MGAT3: variants seen among roughly 807,000 people sequenced by gnomAD.
MGAT3 encodes the protein GlcNAc-T III.
Under a neutral mutation model 29.8 loss-of-function variants are expected in MGAT3, and 9 were observed. That is an observed-to-expected ratio of 0.30 (90% CI 0.18 to 0.53). The LOEUF (loss-of-function observed/expected upper bound fraction) is 0.53, where lower values mean the gene tolerates loss of function less well. Among genes scored for constraint, MGAT3 ranks in the 20% least tolerant of loss-of-function variants. The pLI is 0.96. For synonymous variants in MGAT3, 397 were observed against 348.9 expected (o/e 1.14, Z -1.54); for missense variants, 557 against 769.5 (o/e 0.72, Z 3.27).
In MGAT3 at chr22:39,457,932, C is replaced by CCGGCG. The variant is rs544443182; in HGVS notation, c.-2+384_-2+388dup. On this transcript the variant is annotated intron_variant, in intron 1 of 1. Coordinates refer to ENST00000341184, the MANE Select transcript of MGAT3 (RefSeq NM_002409.5). The surrounding 1 kb of genome is among the most constrained non-coding windows in gnomAD (Gnocchi z 6.8). The stretch of plus-strand genomic sequence containing the variant: ...CTCCGGCGCGGCTCCCCCACAACCT[C>CCGGCG]CGGCGCGGCGCGGGGCTGGGGTGGG... Among the ~76,000 whole-genome samples, 399 of 151,836 alleles carry CCGGCG rather than the reference C, an allele frequency of 2.6e-3. 1 individual carries two copies. The highest frequency in any genetic ancestry group is 9.3e-3 in the African/African-American group (387 of 41,484).
Position 39,472,852 on chromosome 22 carries a change from G to C in MGAT3, c.-1-14495G>C, listed in dbSNP as rs533897716. ...AGAGCCTTGAAAGCCAGGCAGAGGG[G>C]ACTAGACACTGTGCCTCAAGGCAGG... On this transcript the variant is annotated intron_variant, in intron 1 of 1. Coordinates refer to ENST00000341184, the MANE Select transcript of MGAT3 (RefSeq NM_002409.5). 7 of 152,484 alleles carry C rather than the reference G, an allele frequency of 4.6e-5. No individual in the cohort carries two copies. In the East Asian group the frequency reaches 1.4e-3, roughly 29 times the overall value. 9.4% of individuals were successfully genotyped at this position (152,484 alleles called of 1,614,324 possible).
Position 39,487,794 on chromosome 22 carries a change from C to T in MGAT3, c.447C>T (p.Pro149=). ...GANGSSARRP[P]RYLLSARERT... ...ACGGCTCCTCGGCCCGGCGGCCACC[C>T]CGGTACCTCCTGAGCGCCCGGGAGC... The change falls in exon 2 of 2, where the codon CCC becomes CCT. Residue 149 remains proline (P), a synonymous_variant. Transcript: ENST00000341184. The surrounding 1 kb of genome is among the most constrained non-coding windows in gnomAD (Gnocchi z 5.7). The T allele has an allele frequency of 6.7e-7, 1 of 1,493,262 alleles. No homozygotes were observed. 92.5% of individuals were successfully genotyped at this position (1,493,262 alleles called of 1,614,324 possible).
intron 1 of MGAT3, among the ~76,000 whole-genome samples, chr22:39,464,644 T>C (rs1357237530): frequency 6.6e-6 from 1 of 152,122 alleles, no homozygotes; most frequent in Non-Finnish European, 1.5e-5. Flanking sequence ...TTTCATCATG[T>C]TGGCCAGGCT....
chr22:39,460,394 G>C (rs1928464186), intron 1 of MGAT3, among the ~76,000 whole-genome samples: 1 of 152,222 alleles, frequency 6.6e-6, no homozygotes, highest in Non-Finnish European at 1.5e-5. Context: ...GTCACTAAAA[G>C]TAGGGATTCC....
chr22:39,487,852 G>A lies in MGAT3; in HGVS notation c.505G>A (p.Val169Met). 1 of 1,542,132 alleles carries A rather than the reference G, an allele frequency of 6.5e-7. No individual in the cohort carries two copies. The highest frequency in any genetic ancestry group is 1.2e-5 in the South Asian group (1 of 81,510). The change falls in exon 2 of 2, where the codon GTG (valine) becomes ATG (methionine). Residue 169 changes from valine (V) to methionine (M), a missense_variant. Val to Met is a conservative substitution (Grantham distance 21, BLOSUM62 1). Around this residue, in one of 3 missense-constraint regions of MGAT3, gnomAD observed 243 missense variants for 444.0 expected, o/e 0.55. Coordinates refer to ENST00000341184, the MANE Select transcript of MGAT3 (RefSeq NM_002409.5). This position sits in a 1 kb window ranked among gnomAD's most constrained non-coding sequence, Gnocchi z 5.7. ...GGGCCGAGGCGCCCGGCGCAAGTGG[G>A]TGGAGTGCGTGTGCCTGCCCGGCTG... The part of the protein sequence containing the change: ...TGGRGARRKW[V>M]ECVCLPGWHG...
At chr22:39,464,387 G>A (rs1027870492) in intron 1 of MGAT3, among the ~76,000 whole-genome samples, 13 of 152,212 alleles carry the variant, frequency 8.5e-5, no homozygotes, top group African/African-American at 3.1e-4. Context: ...CACCGGGCAT[G>A]CACTAGGGCC....
rs1429858956 is a variant in MGAT3, at chr22:39,490,294, A to C, written c.*1345A>C. On this transcript the variant is annotated 3_prime_UTR_variant, in exon 2 of 2. Coordinates refer to ENST00000341184, the MANE Select transcript of MGAT3 (RefSeq NM_002409.5). Reference sequence around the variant, plus strand: ...CCACTTTTTGCTAAAGGCATGAGCCAGAATTGGCAGGCTCACCTCTGCTGG... The same window carrying C: ...CCACTTTTTGCTAAAGGCATGAGCCCGAATTGGCAGGCTCACCTCTGCTGG... The C allele has an allele frequency of 6.0e-6, 1 of 167,164 alleles. No individual in the cohort carries two copies. The highest frequency in any genetic ancestry group is 2.1e-4 in the South Asian group (1 of 4,832). 10.4% of individuals were successfully genotyped at this position (167,164 alleles called of 1,614,324 possible). A position where few individuals can be genotyped will look rare whatever the true frequency, so the allele number is the denominator to read the frequency against.
intron 1 of MGAT3, among the ~76,000 whole-genome samples, chr22:39,484,187 A>G (rs1929206256): frequency 2.6e-5 from 4 of 152,158 alleles, no homozygotes; most frequent in Admixed American, 6.5e-5. Context: ...TTCTAGATCA[A>G]TCGTGTTGTG....
intron 1 of MGAT3, among the ~76,000 whole-genome samples, chr22:39,465,683 G>T (rs897815321): frequency 1.3e-5 from 2 of 152,132 alleles, no homozygotes; most frequent in African/African-American, 4.8e-5. Flanking sequence ...AAAAACTCCA[G>T]CACTTTGGGA....
At chr22:39,477,565 AAC>A (rs1045238153) in intron 1 of MGAT3, 2 of 152,040 alleles carry the variant, frequency 1.3e-5, no homozygotes, top group African/African-American at 4.8e-5. Flanking sequence ...AAAAAAAAAA[AAC>A]CATGCATTTA....
chr22:39,488,842 G>C lies in MGAT3; in HGVS notation c.1495G>C (p.Asp499His), dbSNP rs141441163. 5.3e-3 allele frequency: 8,584 copies of C among 1,608,568 alleles called. 25 individuals carry two copies. The highest frequency in any genetic ancestry group is 6.6e-3 in the Non-Finnish European group (7,808 of 1,177,618). Residue 499 changes from aspartate (D) to histidine (H), a missense_variant, in exon 2 of 2, where the codon GAC (aspartate) becomes CAC (histidine). Asp to His is a moderately conservative substitution (Grantham distance 81). Around this residue, in one of 3 missense-constraint regions of MGAT3, gnomAD observed 102 missense variants for 97.0 expected, o/e 1.05. Coordinates refer to ENST00000341184, the MANE Select transcript of MGAT3 (RefSeq NM_002409.5). ...KNYDRFHYLL[D>H]NPYQEPRSTA... is the part of the protein sequence containing the mutation. ...CTACGACCGGTTCCACTACCTGCTG[G>C]ACAACCCCTACCAGGAGCCCAGGAG...
intron 1 of MGAT3, among the ~76,000 whole-genome samples, chr22:39,481,238 G>A (rs560857313): frequency 5.3e-5 from 8 of 151,998 alleles, no homozygotes; most frequent in South Asian, 4.1e-4. Context: ...CTTCCCTGGC[G>A]CCCTCTCCTG....
At chr22:39,470,697 C>G (rs559856105) in intron 1 of MGAT3, among the ~76,000 whole-genome samples, 1 of 152,062 alleles carries the variant, frequency 6.6e-6, no homozygotes, top group Non-Finnish European at 1.5e-5. Flanking sequence ...GCCCCTCTGC[C>G]GGGCATGTGG....
intron 1 of MGAT3, among the ~76,000 whole-genome samples, chr22:39,474,650 GGGACCCTTTTCCTCTC>G (rs1928899957): frequency 6.6e-6 from 1 of 152,192 alleles, no homozygotes; most frequent in Non-Finnish European, 1.5e-5. Flanking sequence ...CCCTGCAGAG[GGGACCCTTTTCCTCTC>G]CCTGAGAGAT....
intron 1 of MGAT3, among the ~76,000 whole-genome samples, chr22:39,483,673 C>T (rs1929190903): frequency 6.6e-6 from 1 of 152,138 alleles, no homozygotes; most frequent in South Asian, 2.1e-4. Flanking sequence ...TTTGCTCACC[C>T]AGCTGGTCCA....
rs1355896903 is a variant in MGAT3 at position 39,488,445 on chromosome 22, G to A, written c.1098G>A (p.Thr366=). Residue 366 remains threonine (T), a synonymous_variant, in exon 2 of 2, where the codon ACG becomes ACA. Transcript: ENST00000341184. Reference sequence around the variant, plus strand: ...CCCTGGAGGTGGTGTCAGGCTGCACGGTGGACATGCTGCAGGCAGTGTATG... The same window carrying A: ...CCCTGGAGGTGGTGTCAGGCTGCACAGTGGACATGCTGCAGGCAGTGTATG... The part of the protein sequence containing the change: ...PGTLEVVSGC[T]VDMLQAVYGL... The A allele has an allele frequency of 1.9e-6, 3 of 1,612,908 alleles. No homozygotes were observed. Among genetic ancestry groups the A allele is most frequent in the African/African-American group, 1.3e-5 (1 of 75,054 alleles).
Position 39,471,742 on chromosome 22 carries a change from G to C in MGAT3, c.-2+14185G>C, listed in dbSNP as rs118188492. 4.6e-5 allele frequency among the ~76,000 whole-genome samples: 7 copies of C among 152,214 alleles called. No individual in the cohort carries two copies. The East Asian group carries it at 9.7e-4, about 21-fold the overall frequency. On this transcript the variant is annotated intron_variant, in intron 1 of 1. Coordinates refer to ENST00000341184, the MANE Select transcript of MGAT3 (RefSeq NM_002409.5). ...CAGGTGCCACACAATCTGACACACA[G>C]AGACACGAGGCACAGGGGCAGAGGG...
rs1438743763 is a variant in MGAT3 at position 39,487,463 on chromosome 22, C to A, written c.116C>A (p.Ala39Asp). Residue 39 changes from alanine to aspartate, a missense_variant, in exon 2 of 2, where the codon GCC becomes GAC. Physicochemically the swap from Ala to Asp is moderately radical, Grantham distance 126 (BLOSUM62 -2). Around this residue, in one of 3 missense-constraint regions of MGAT3, gnomAD observed 212 missense variants for 228.5 expected, o/e 0.93. Transcript: ENST00000341184. The surrounding 1 kb of genome is among the most constrained non-coding windows in gnomAD (Gnocchi z 5.7). ...TATGTCACCTTCCCCCGAGAACTGGCCTCCCTCAGCCCTAACCTGGTGTCC... is the reference window on the plus strand; with the variant it reads ...TATGTCACCTTCCCCCGAGAACTGGACTCCCTCAGCCCTAACCTGGTGTCC... ...LSYVTFPREL[A>D]SLSPNLVSSF... 1.9e-6 allele frequency: 3 copies of A among 1,613,784 alleles called. No individual in the cohort carries two copies. In the South Asian group the frequency reaches 3.3e-5, roughly 18 times the overall value.
At chr22:39,483,490 AAATT>A (rs1018867976) in intron 1 of MGAT3, among the ~76,000 whole-genome samples, 6 of 127,856 alleles carry the variant, frequency 4.7e-5, no homozygotes, top group African/African-American at 1.8e-4. Flanking sequence ...CGTCTCAAAA[AAATT>A]AAAAAATTAA....
Sources: gnomAD v4.1 joint callset for allele counts (sites outside exome capture counted in the v4.1 genomes callset) on GRCh38, gnomAD v4.1.1 for gene constraint, gnomAD v4.1.1 regional missense constraint, Gnocchi (gnomAD v3.1) non-coding constraint, MANE v1.5 for transcripts, NCBI Gene and HGNC (gene_info 2026-07-23, HGNC 2026-07-21) for gene names.